The following TIAM2 variants were observed in gnomAD, a reference collection of about 807,000 sequenced individuals.
TIAM2 encodes the protein TIAM Rac1 associated GEF 2, also known as rho guanine nucleotide exchange factor TIAM2.
In TIAM2, 80 loss-of-function variants were observed where a neutral mutation model predicts 152.9. The ratio of observed to expected loss-of-function variants is 0.52; its 90% CI spans 0.44 to 0.63. The LOEUF (loss-of-function observed/expected upper bound fraction) is 0.63. TIAM2 is among the 30% of genes least tolerant of loss of function. TIAM2 has a pLI of 0.00. For missense variants in TIAM2, 1,965 were observed against 2,120.1 expected (o/e 0.93, Z 1.44); for synonymous variants, 804 against 838.0 (o/e 0.96, Z 0.70).
At chr6:155,251,320 CTT>C (rs1003529746) in intron 22 of TIAM2, among the ~76,000 whole-genome samples, 3 of 152,126 alleles carry the variant, frequency 2.0e-5, no homozygotes, top group African/African-American at 7.2e-5. Context: ...AGGTTTTGCT[CTT>C]GTTGCCCAGG....
intron 2 of TIAM2, among the ~76,000 whole-genome samples, chr6:155,113,058 C>T (rs1778896760): frequency 6.6e-6 from 1 of 152,210 alleles, no homozygotes; most frequent in Non-Finnish European, 1.5e-5. Flanking sequence ...TTCTCTATCA[C>T]ACCCTCTAAT....
At chr6:155,147,303 A>G (rs113697590) in intron 6 of TIAM2, among the ~76,000 whole-genome samples, 6,744 of 149,122 alleles carry the variant, frequency 0.045, 504 homozygotes, top group African/African-American at 0.16. Context: ...CCTTTTATTT[A>G]TTTATTTATT....
chr6:155,208,019 C>A (rs1053231348), intron 14 of TIAM2, among the ~76,000 whole-genome samples: 1 of 152,072 alleles, frequency 6.6e-6, no homozygotes, highest in Non-Finnish European at 1.5e-5. Context: ...GCTCCTTATG[C>A]CCTTGCCACA....
chr6:155,180,051 G>A (rs1476676060), intron 12 of TIAM2, among the ~76,000 whole-genome samples: 1 of 152,142 alleles, frequency 6.6e-6, no homozygotes, highest in African/African-American at 2.4e-5. Context: ...AGGCCAAGGC[G>A]GGCAGATCAC....
chr6:155,202,323 A>G (rs1430284447), intron 14 of TIAM2, among the ~76,000 whole-genome samples: 1 of 152,250 alleles, frequency 6.6e-6, no homozygotes, highest in African/African-American at 2.4e-5. Flanking sequence ...GGCACAAACC[A>G]CTGCATTTTA....
chr6:155,021,508 C>G (rs1433103694), intron 1 of TIAM2, among the ~76,000 whole-genome samples: 1 of 152,030 alleles, frequency 6.6e-6, no homozygotes, highest in Non-Finnish European at 1.5e-5. Flanking sequence ...GTGATCCGCC[C>G]GCTGCAGCCT....
At chr6:155,085,661 A>G (rs1296487386) in intron 1 of TIAM2, among the ~76,000 whole-genome samples, 1 of 152,174 alleles carries the variant, frequency 6.6e-6, no homozygotes, top group Non-Finnish European at 1.5e-5. Context: ...TAAAAATAAA[A>G]CCACTTTTCA....
At chr6:155,125,062 AG>A (rs1412223833) in intron 2 of TIAM2, among the ~76,000 whole-genome samples, 3 of 151,404 alleles carry the variant, frequency 2.0e-5, no homozygotes, top group African/African-American at 7.3e-5. Flanking sequence ...GGATCACCTG[AG>A]AGTTCGAGAC....
At chr6:155,087,845 A>T (rs1054366321) in intron 1 of TIAM2, among the ~76,000 whole-genome samples, 5 of 152,090 alleles carry the variant, frequency 3.3e-5, no homozygotes, top group African/African-American at 1.2e-4. Flanking sequence ...TATGGAATGT[A>T]TTCTATAAGG....
At chr6:155,225,004 G>A (rs1334212278) in intron 15 of TIAM2, among the ~76,000 whole-genome samples, 1 of 152,180 alleles carries the variant, frequency 6.6e-6, no homozygotes, top group Admixed American at 6.5e-5. Context: ...CACCCAAGCT[G>A]GAGTGAAATG....
intron 1 of TIAM2, among the ~76,000 whole-genome samples, chr6:155,050,262 GTGAT>G (rs1777288300): frequency 6.6e-6 from 1 of 152,132 alleles, no homozygotes; most frequent in Admixed American, 6.5e-5. Flanking sequence ...GTGACCTCAA[GTGAT>G]CCACCTGCCT....
At chr6:155,074,804 A>C (rs934597357) in intron 1 of TIAM2, among the ~76,000 whole-genome samples, 1 of 151,194 alleles carries the variant, frequency 6.6e-6, no homozygotes, top group African/African-American at 2.4e-5. Context: ...GCGGTCTTTG[A>C]AATAGCGTTA....
chr6:155,148,397 G>T (rs1437939120), intron 7 of TIAM2, 63 bp downstream of exon 7: 3 of 1,452,496 alleles, frequency 2.1e-6, no homozygotes, highest in South Asian at 1.2e-5. Context: ...GTGACTGAAC[G>T]CATGCTGTCA....
chr6:155,227,346 A>G (rs1159108112), intron 15 of TIAM2, among the ~76,000 whole-genome samples: 1 of 152,192 alleles, frequency 6.6e-6, no homozygotes. Context: ...ATGTGTTTTA[A>G]ATACATCACT....
intron 14 of TIAM2, among the ~76,000 whole-genome samples, chr6:155,198,377 A>C (rs1781394657): frequency 6.6e-6 from 1 of 152,150 alleles, no homozygotes; most frequent in Non-Finnish European, 1.5e-5. Context: ...AAATCTCTTA[A>C]TGAGGCCGGG....
intron 14 of TIAM2, among the ~76,000 whole-genome samples, chr6:155,193,368 G>A (rs557510635): frequency 2.6e-5 from 4 of 151,768 alleles, no homozygotes; most frequent in Admixed American, 2.0e-4. Flanking sequence ...TTGTGCCACC[G>A]CACTCAGCCT....
chr6:155,002,546 C>T (rs1305946126), intron 1 of TIAM2, among the ~76,000 whole-genome samples: 4 of 152,166 alleles, frequency 2.6e-5, no homozygotes, highest in Non-Finnish European at 4.4e-5. Context: ...CAGTCATCCA[C>T]GGAGACCCAG....
At position 155,254,498 on chromosome 6, in the gene TIAM2, G is replaced by A. The variant is rs1285645406; in HGVS notation, c.4393G>A (p.Glu1465Lys). ...GAACTTCAGGCGTCACATAAAGTGT[G>A]AATTACCACTGGAGAAAACGTGTAA... ...RENFRRHIKC[E>K]LPLEKTCKDR... The change falls in exon 26 of 27, where the codon GAA (glutamate) becomes AAA (lysine). Residue 1465 changes from glutamate (E) to lysine (K), a missense_variant. Around this residue, in one of 3 missense-constraint regions of TIAM2, gnomAD observed 935 missense variants for 980.0 expected, o/e 0.95. Transcript: ENST00000682666. 6.2e-7 allele frequency: 1 copy of A among 1,614,158 alleles called. No individual in the cohort carries two copies. Among genetic ancestry groups the A allele is most frequent in the Non-Finnish European group, 8.5e-7 (1 of 1,179,998 alleles).
intron 3 of TIAM2, among the ~76,000 whole-genome samples, chr6:155,128,605 A>G (rs1779353781): frequency 6.6e-6 from 1 of 151,754 alleles, no homozygotes; most frequent in African/African-American, 2.4e-5. Context: ...CACACCTGTG[A>G]TGCTAGCACT....
Sources: allele counts gnomAD v4.1 joint callset (sites outside exome capture counted in the v4.1 genomes callset), GRCh38; gene constraint gnomAD v4.1.1; regional missense constraint gnomAD v4.1.1; transcripts MANE v1.5; gene names NCBI Gene and HGNC (gene_info 2026-07-23, HGNC 2026-07-21).